The following TRPC1 variants were observed in gnomAD, a reference collection of about 807,000 sequenced individuals.
The protein encoded by TRPC1 is short transient receptor potential channel 1.
Under a neutral mutation model 88.2 loss-of-function variants are expected in TRPC1, and 42 were observed. That is an observed-to-expected ratio of 0.48 (90% CI 0.37 to 0.62). The LOEUF (loss-of-function observed/expected upper bound fraction) is 0.62, where lower values mean the gene tolerates loss of function less well. TRPC1 is among the 20% of genes least tolerant of loss of function. The pLI is 0.00. For missense variants in TRPC1, 699 were observed against 957.3 expected, an observed-to-expected ratio of 0.73 and a Z score of 3.56; for synonymous variants, 288 against 331.8, an observed-to-expected ratio of 0.87 and a Z score of 1.43.
intron 1 of TRPC1, among the ~76,000 whole-genome samples, chr3:142,732,966 CTT>C (rs59126201): frequency 1.9e-4 from 27 of 144,148 alleles, no homozygotes; most frequent in African/African-American, 3.5e-4. Context: ...GTGTTCTGGT[CTT>C]TTTTTTTTTT....
intron 1 of TRPC1, among the ~76,000 whole-genome samples, chr3:142,730,624 T>C (rs1246575226): frequency 6.6e-6 from 1 of 151,742 alleles, no homozygotes; most frequent in Admixed American, 6.6e-5. Context: ...TTTTTTTCCT[T>C]TTTAAAATTT....
intron 1 of TRPC1, among the ~76,000 whole-genome samples, chr3:142,732,113 A>G (rs1267036237): frequency 6.6e-6 from 1 of 152,214 alleles, no homozygotes; most frequent in Non-Finnish European, 1.5e-5. Context: ...ATAAGTTGCA[A>G]TAGGGAAAAG....
intron 9 of TRPC1, among the ~76,000 whole-genome samples, chr3:142,798,798 G>C (rs1253715937): frequency 6.6e-6 from 1 of 152,162 alleles, no homozygotes; most frequent in Non-Finnish European, 1.5e-5. Flanking sequence ...ATTCTGGAGG[G>C]AGATTTGGAA....
chr3:142,777,487 G>A, intron 4 of TRPC1, 145 bp from the exon 5 acceptor site: 4 of 466,622 alleles, frequency 8.6e-6, no homozygotes, highest in Non-Finnish European at 1.3e-5. Context: ...GTCTTTTTAT[G>A]GAGGTTATCT....
At position 142,806,311 on chromosome 3, in the gene TRPC1, TTAA is replaced by T. The variant is rs1238681365; in HGVS notation, c.*78_*80del. 1.9e-6 allele frequency: 2 copies of T among 1,080,998 alleles called. No homozygotes were observed. Among genetic ancestry groups the T allele is most frequent in the Non-Finnish European group, 2.7e-6 (2 of 752,850 alleles). 67.0% of individuals were successfully genotyped at this position (1,080,998 alleles called of 1,614,324 possible). On this transcript the variant is annotated 3_prime_UTR_variant, in exon 13 of 13. Coordinates refer to ENST00000476941, the MANE Select transcript of TRPC1 (RefSeq NM_001251845.2). ...CTATATTGCATAACTTGCAATGAAA[TTAA>T]TGAGATATATATTGAAATAAAGAAT...
intron 1 of TRPC1, 88 bp from the exon 2 acceptor site, chr3:142,736,289 CTT>C (rs1934134268): frequency 9.8e-7 from 1 of 1,020,088 alleles, no homozygotes; most frequent in South Asian, 2.6e-5. Flanking sequence ...GGCTTTTAAT[CTT>C]TTAATTCAAC....
At chr3:142,775,843 T>C (rs925652712) in intron 4 of TRPC1, among the ~76,000 whole-genome samples, 2 of 152,292 alleles carry the variant, frequency 1.3e-5, no homozygotes, top group South Asian at 2.1e-4. Context: ...TAAAATCCTA[T>C]TTTCTGTTAG....
chr3:142,727,301 T>C (rs1445846008), intron 1 of TRPC1, among the ~76,000 whole-genome samples: 1 of 150,112 alleles, frequency 6.7e-6, no homozygotes, highest in African/African-American at 2.5e-5. Context: ...ATTCTTGTTG[T>C]ACATATGCAA....
At chr3:142,765,554 A>G (rs1282065261) in intron 4 of TRPC1, among the ~76,000 whole-genome samples, 1 of 152,208 alleles carries the variant, frequency 6.6e-6, no homozygotes, top group Non-Finnish European at 1.5e-5. Context: ...GTAAACAAAA[A>G]TAAGCAATGA....
intron 12 of TRPC1, 76 bp downstream of exon 12, chr3:142,804,706 G>A: frequency 1.4e-6 from 2 of 1,416,560 alleles, no homozygotes; most frequent in Non-Finnish European, 1.9e-6. Flanking sequence ...TAAAGCGTAA[G>A]TATGCAGGTT....
intron 4 of TRPC1, among the ~76,000 whole-genome samples, chr3:142,751,934 G>A (rs916949605): frequency 2.6e-5 from 4 of 151,662 alleles, no homozygotes; most frequent in African/African-American, 9.7e-5. Flanking sequence ...GGTTGATAGC[G>A]ATGGCTACAT....
Position 142,769,958 on chromosome 3 carries a change from A to G in TRPC1, c.633-7674A>G, listed in dbSNP as rs116651155. On this transcript the variant is annotated intron_variant, in intron 4 of 12. Transcript: ENST00000476941. ...GATCTTTTGCCTCATTGTTCTCTCC[A>G]TTATTGAAGGTAGGATATTAAAGTC... 6.0e-3 allele frequency among the ~76,000 whole-genome samples: 905 copies of G among 152,042 alleles called. 8 individuals are homozygous for G. The highest frequency in any genetic ancestry group is 0.021 in the African/African-American group (856 of 41,490).
intron 5 of TRPC1, among the ~76,000 whole-genome samples, chr3:142,778,132 A>G (rs1049098736): frequency 2.0e-5 from 3 of 152,206 alleles, no homozygotes; most frequent in Admixed American, 6.5e-5. Flanking sequence ...TGACTCTATA[A>G]TCATCCTTGA....
chr3:142,781,932 G>T (rs1935969126), intron 6 of TRPC1, among the ~76,000 whole-genome samples: 1 of 152,094 alleles, frequency 6.6e-6, no homozygotes, highest in South Asian at 2.1e-4. Context: ...GCTAAGGGCA[G>T]AATTTTTTCT....
At chr3:142,759,588 G>A (rs1452165745) in intron 4 of TRPC1, among the ~76,000 whole-genome samples, 1 of 152,060 alleles carries the variant, frequency 6.6e-6, no homozygotes, top group Admixed American at 6.5e-5. Flanking sequence ...TGTCAGATGG[G>A]TAGATTGTAA....
chr3:142,748,660 A>G (rs1560098292), intron 4 of TRPC1, among the ~76,000 whole-genome samples, 200 bp downstream of exon 4: 1 of 152,254 alleles, frequency 6.6e-6, no homozygotes, highest in Non-Finnish European at 1.5e-5. Context: ...AATAATTGCA[A>G]AAATCCTTCA....
intron 5 of TRPC1, among the ~76,000 whole-genome samples, chr3:142,778,460 A>G (rs1935856212): frequency 6.6e-6 from 1 of 152,106 alleles, no homozygotes; most frequent in Admixed American, 6.5e-5. Flanking sequence ...TGAAACTACT[A>G]ATTTAAATAT....
intron 10 of TRPC1, 143 bp from the exon 11 acceptor site, chr3:142,803,834 T>C (rs966131063): frequency 3.9e-6 from 3 of 777,548 alleles, no homozygotes; most frequent in African/African-American, 3.5e-5. Flanking sequence ...ATATCAGTAC[T>C]GTGGAAGTCA....
At chr3:142,726,421 C>T (rs1366709423) in intron 1 of TRPC1, among the ~76,000 whole-genome samples, 2 of 151,934 alleles carry the variant, frequency 1.3e-5, no homozygotes, top group Non-Finnish European at 2.9e-5. Context: ...AGGTGAAATA[C>T]CTTGATATTC....
Sources: gnomAD v4.1 joint callset for allele counts (sites outside exome capture counted in the v4.1 genomes callset) on GRCh38, gnomAD v4.1.1 for gene constraint, MANE v1.5 for transcripts, NCBI Gene and HGNC (gene_info 2026-07-23, HGNC 2026-07-21) for gene names.